Variants in INTU observed in about 807,000 individuals in gnomAD.
The protein encoded by INTU is protein inturned.
Under a neutral mutation model 100.5 loss-of-function variants are expected in INTU, and 68 were observed. The ratio of observed to expected loss-of-function variants is 0.68; its 90% CI spans 0.56 to 0.83. The LOEUF is 0.83. INTU is among the 40% of genes least tolerant of loss of function. The pLI is 0.00. For synonymous variants in INTU, 357 were observed against 395.7 expected (o/e 0.90, Z 1.16); for missense variants, 1,071 against 1,114.7 (o/e 0.96, Z 0.56).
chr4:127,649,150 G>C (rs1727717989), intron 2 of INTU, among the ~76,000 whole-genome samples: 1 of 152,108 alleles, frequency 6.6e-6, no homozygotes, highest in African/African-American at 2.4e-5. Flanking sequence ...CCCTACAGAT[G>C]GCCAAGTGAT....
intron 1 of INTU, among the ~76,000 whole-genome samples, chr4:127,639,382 A>G (rs562692096): frequency 6.6e-6 from 1 of 152,242 alleles, no homozygotes; most frequent in Non-Finnish European, 1.5e-5. Context: ...GGAAGAGTAT[A>G]GTCACTAAGT....
At chr4:127,661,921 C>T (rs766850423) in intron 3 of INTU, among the ~76,000 whole-genome samples, 2 of 152,112 alleles carry the variant, frequency 1.3e-5, no homozygotes, top group African/African-American at 4.8e-5. Context: ...CATAAGCGTT[C>T]CCTTTTCACC....
chr4:127,694,497 T>A (rs955508395), intron 8 of INTU, among the ~76,000 whole-genome samples: 1 of 152,162 alleles, frequency 6.6e-6, no homozygotes, highest in African/African-American at 2.4e-5. Flanking sequence ...ATCAATTTTA[T>A]ATATCTTTTC....
At chr4:127,695,977 C>G (rs1730364547) in intron 8 of INTU, among the ~76,000 whole-genome samples, 1 of 152,060 alleles carries the variant, frequency 6.6e-6, no homozygotes, top group South Asian at 2.1e-4. Context: ...GCCCATTGAT[C>G]TGATGGATTA....
intron 9 of INTU, among the ~76,000 whole-genome samples, chr4:127,703,124 A>G (rs554516845): frequency 6.6e-6 from 1 of 152,308 alleles, no homozygotes; most frequent in African/African-American, 2.4e-5. Flanking sequence ...AACTTAGCAT[A>G]AATGGATTTA....
chr4:127,708,636 A>G lies in INTU; in HGVS notation c.2337A>G (p.Pro779=), dbSNP rs1439757411. The G allele has an allele frequency of 2.5e-5, 40 of 1,592,284 alleles. No homozygotes were observed. Among genetic ancestry groups the G allele is most frequent in the Non-Finnish European group, 3.4e-5 (39 of 1,163,582 alleles). ...TGGGAAACTTGAAAAAGGACCTTCC[A>G]GAAAAAGAATTAGAAATATATAACA... ...FHLGNLKKDL[P]EKELEIYNTV... is the part of the protein sequence containing the mutation. The change falls in exon 13 of 16, where the codon CCA becomes CCG. Residue 779 remains proline (P), a synonymous_variant. Transcript: ENST00000335251.
chr4:127,704,768 T>C (rs1404972636), intron 10 of INTU, among the ~76,000 whole-genome samples: 1 of 152,090 alleles, frequency 6.6e-6, no homozygotes, highest in Admixed American at 6.6e-5. Context: ...TGGATTTCCT[T>C]TTGAAAGAGT....
intron 5 of INTU, among the ~76,000 whole-genome samples, chr4:127,672,974 G>A (rs969671375): frequency 6.6e-6 from 1 of 152,040 alleles, no homozygotes; most frequent in African/African-American, 2.4e-5. Flanking sequence ...TGAAACTATC[G>A]ACACAGTGAA....
intron 1 of INTU, among the ~76,000 whole-genome samples, chr4:127,639,646 A>C (rs1303491569): frequency 6.6e-6 from 1 of 152,158 alleles, no homozygotes; most frequent in Non-Finnish European, 1.5e-5. Context: ...ATTGACACAT[A>C]ATAATTACAC....
intron 3 of INTU, among the ~76,000 whole-genome samples, chr4:127,659,805 CTTCT>C (rs1443132520): frequency 6.6e-6 from 1 of 152,118 alleles, no homozygotes; most frequent in Non-Finnish European, 1.5e-5. Context: ...GTCTTGGACT[CTTCT>C]TTCTCAGGTA....
rs1731268616 is a variant in INTU, at chr4:127,716,539, AT to A, written c.*105del. On this transcript the variant is annotated 3_prime_UTR_variant, in exon 16 of 16. Coordinates refer to ENST00000335251, the MANE Select transcript of INTU (RefSeq NM_015693.4). ...AGATAAAGTTTAGCTTCTTTTTACT[AT>A]TCAATATTGAACATAATATTGTTAA... is the stretch of plus-strand genomic sequence containing the variant. 2.1e-6 allele frequency: 1 copy of A among 465,554 alleles called. No individual in the cohort carries two copies. Among genetic ancestry groups the A allele is most frequent in the East Asian group, 3.2e-5 (1 of 31,008 alleles). The allele number at this position is 465,554 out of a possible 1,614,324, so 28.8% of individuals were successfully genotyped here.
intron 3 of INTU, among the ~76,000 whole-genome samples, chr4:127,658,478 A>G (rs1728334862): frequency 6.6e-6 from 1 of 152,218 alleles, no homozygotes; most frequent in African/African-American, 2.4e-5. Flanking sequence ...CTCAGACAGC[A>G]GCTACTTATT....
Position 127,633,067 on chromosome 4 carries a change from G to A in INTU, c.33G>A (p.Pro11=). Residue 11 remains proline, a synonymous_variant, in exon 1 of 16, where the codon CCG becomes CCA. Transcript: ENST00000335251. MASVASCDSR[P]SSDELPGDPS... Reference sequence around the variant, plus strand: ...CTGTGGCTTCGTGCGATTCGCGTCCGAGCTCAGACGAGCTCCCTGGAGACC... The same window carrying A: ...CTGTGGCTTCGTGCGATTCGCGTCCAAGCTCAGACGAGCTCCCTGGAGACC... 1 of 1,613,766 alleles carries A rather than the reference G, an allele frequency of 6.2e-7. No homozygotes were observed. Among genetic ancestry groups the A allele is most frequent in the Non-Finnish European group, 8.5e-7 (1 of 1,179,700 alleles).
chr4:127,661,883 G>A (rs1223499308), intron 3 of INTU, among the ~76,000 whole-genome samples: 3 of 152,138 alleles, frequency 2.0e-5, no homozygotes, highest in Non-Finnish European at 4.4e-5. Context: ...CATAGAGGTT[G>A]TACTAATTTA....
chr4:127,689,349 A>G (rs186302264), intron 8 of INTU, among the ~76,000 whole-genome samples: 3 of 152,224 alleles, frequency 2.0e-5, no homozygotes, highest in Non-Finnish European at 2.9e-5. Context: ...TAATATTTTC[A>G]TAAGAATATA....
intron 2 of INTU, among the ~76,000 whole-genome samples, chr4:127,656,252 G>T (rs1728216185): frequency 6.6e-6 from 1 of 151,972 alleles, no homozygotes; most frequent in Non-Finnish European, 1.5e-5. Context: ...CCTCTGTTTT[G>T]TTTTTACTGT....
At chr4:127,633,262 G>A in intron 1 of INTU, 82 bp downstream of exon 1, 3 of 1,409,502 alleles carry the variant, frequency 2.1e-6, no homozygotes, top group Non-Finnish European at 2.9e-6. Flanking sequence ...CTGCAAGGGT[G>A]TTGGCGTGGT....
At chr4:127,663,710 A>G (rs147809324) in intron 4 of INTU, 126 bp downstream of exon 4, 1 of 665,128 alleles carries the variant, frequency 1.5e-6, no homozygotes, top group Non-Finnish European at 2.5e-6. Flanking sequence ...ACAAAAATGA[A>G]TTAACTGTTT....
chr4:127,697,254 A>G (rs900887766), intron 8 of INTU, among the ~76,000 whole-genome samples: 1 of 152,158 alleles, frequency 6.6e-6, no homozygotes, highest in Non-Finnish European at 1.5e-5. Context: ...CCATCTAATA[A>G]AGAAATTCCG....
Sources: gnomAD v4.1 joint callset for allele counts (sites outside exome capture counted in the v4.1 genomes callset) on GRCh38, gnomAD v4.1.1 for gene constraint, MANE v1.5 for transcripts, NCBI Gene and HGNC (gene_info 2026-07-23, HGNC 2026-07-21) for gene names.